The following CRYL1 variants were observed in gnomAD, a reference collection of about 807,000 sequenced individuals.
CRYL1 encodes crystallin lambda 1.
CRYL1 carries 29 observed loss-of-function variants against 36.6 expected under a neutral mutation model. The observed-to-expected ratio is 0.79, with a 90% CI of 0.59 to 1.08. The LOEUF (loss-of-function observed/expected upper bound fraction) is 1.08, where lower values mean the gene tolerates loss of function less well. Ranked by LOEUF, CRYL1 falls within the 50% of genes least tolerant of loss-of-function variation. The pLI is 0.00. For missense variants in CRYL1, 411 were observed against 407.9 expected (o/e 1.01, Z -0.06); for synonymous variants, 152 against 151.5 (o/e 1.00, Z -0.02).
intron 3 of CRYL1, among the ~76,000 whole-genome samples, chr13:20,451,259 AGCAATT>A (rs1360294707): frequency 2.6e-5 from 4 of 152,118 alleles, no homozygotes; most frequent in African/African-American, 9.6e-5. Context: ...AGTCCTCAAA[AGCAATT>A]GCAACAGAAA....
intron 2 of CRYL1, among the ~76,000 whole-genome samples, chr13:20,504,039 C>A (rs2033749958): frequency 6.6e-6 from 1 of 152,118 alleles, no homozygotes; most frequent in African/African-American, 2.4e-5. Flanking sequence ...TCGAAGCGTA[C>A]AGGCCCCTAA....
At chr13:20,406,835 C>T (rs1023402232) in intron 6 of CRYL1, among the ~76,000 whole-genome samples, 7 of 151,652 alleles carry the variant, frequency 4.6e-5, no homozygotes, top group Non-Finnish European at 8.8e-5. Context: ...GGCAGGCAGG[C>T]GCCCTCACGA....
chr13:20,417,865 G>A (rs556959736), intron 5 of CRYL1, among the ~76,000 whole-genome samples: 4 of 152,300 alleles, frequency 2.6e-5, no homozygotes, highest in Non-Finnish European at 5.9e-5. Context: ...ATGTTAAGTC[G>A]AATGAAAGGT....
At chr13:20,443,063 A>C (rs959581219) in intron 3 of CRYL1, among the ~76,000 whole-genome samples, 2 of 152,210 alleles carry the variant, frequency 1.3e-5, no homozygotes, top group African/African-American at 4.8e-5. Context: ...ACATGATGCT[A>C]TTCCAGGCAT....
In CRYL1 at chr13:20,435,541, G is replaced by A. The variant is rs2032190937; in HGVS notation, c.439-3245C>T. ...AGGTCAATCTTGTCAATAAGGTCGG[G>A]TGCCCCTTGAATTTACCACAGTAGA... On this transcript the variant is annotated intron_variant, in intron 4 of 7. Transcript: ENST00000298248. This position sits in a 1 kb window ranked among gnomAD's most constrained non-coding sequence, Gnocchi z 4.0. Among the ~76,000 whole-genome samples, 1 of 152,218 alleles carries A rather than the reference G, an allele frequency of 6.6e-6. No homozygotes were observed. The highest frequency in any genetic ancestry group is 2.4e-5 in the African/African-American group (1 of 41,460).
Position 20,439,607 on chromosome 13 carries a change from T to C in CRYL1, c.424A>G (p.Ile142Val). 2 of 1,606,458 alleles carry C rather than the reference T, an allele frequency of 1.2e-6. No homozygotes were observed. Among genetic ancestry groups the C allele is most frequent in the Non-Finnish European group, 1.7e-6 (2 of 1,177,194 alleles). The stretch of plus-strand genomic sequence containing the variant: ...AAAATACTCACAGGATGAGCCACGA[T>C]GCATTGCTTCACATGGACCAAGCCA... Reference protein sequence around the residue: ...FAGLVHVKQCIVAHPVNPPYY... With the variant: ...FAGLVHVKQCVVAHPVNPPYY... The change falls in exon 4 of 8, where the codon ATC (isoleucine) becomes GTC (valine). Residue 142 changes from isoleucine (I) to valine (V), a missense_variant. By Grantham distance (29) the Ile-to-Val change is conservative. Coordinates refer to ENST00000298248, the MANE Select transcript of CRYL1 (RefSeq NM_015974.3).
chr13:20,512,344 A>T (rs1295054799), intron 2 of CRYL1, 99 bp downstream of exon 2: 1 of 829,254 alleles, frequency 1.2e-6, no homozygotes, highest in African/African-American at 1.7e-5. Context: ...CGAAAATGTG[A>T]CATCACAGAT....
In CRYL1 at chr13:20,413,589, A is replaced by G. The variant is rs9509206; in HGVS notation, c.634-202T>C. On this transcript the variant is annotated intron_variant, in intron 5 of 7. Coordinates refer to ENST00000298248, the MANE Select transcript of CRYL1 (RefSeq NM_015974.3). ...TTTTTAGATTTTGGAATATTAGCAT[A>G]TGCATAATGAGATATTTTGGGGATG... Among the ~76,000 whole-genome samples, 113,305 of 152,160 alleles carry G rather than the reference A, an allele frequency of 0.74. 42,398 individuals are homozygous for G. Among genetic ancestry groups the G allele is most frequent in the Admixed American group, 0.83 (12,645 of 15,290 alleles).
intron 6 of CRYL1, among the ~76,000 whole-genome samples, chr13:20,411,429 C>T (rs369804103): frequency 1.3e-5 from 2 of 152,210 alleles, no homozygotes; most frequent in East Asian, 1.9e-4. Flanking sequence ...AAGCTGTTCT[C>T]AGTTCTGTCC....
intron 4 of CRYL1, among the ~76,000 whole-genome samples, chr13:20,434,937 C>T: frequency 6.6e-6 from 1 of 152,100 alleles, no homozygotes; most frequent in East Asian, 1.9e-4. Context: ...GCACTCCCTT[C>T]ATGGGACTCC....
chr13:20,432,332 A>G, intron 4 of CRYL1, 36 bp from the exon 5 acceptor site: 1 of 1,551,808 alleles, frequency 6.4e-7, no homozygotes, highest in Non-Finnish European at 8.8e-7. Context: ...AGTCAAGGAG[A>G]TGATCCTGGG....
intron 3 of CRYL1, among the ~76,000 whole-genome samples, chr13:20,464,341 C>T (rs1361660707): frequency 6.6e-6 from 1 of 152,094 alleles, no homozygotes; most frequent in Non-Finnish European, 1.5e-5. Flanking sequence ...TTGCAGTGAG[C>T]CGAGATTGTG....
At chr13:20,432,066 G>A (rs778858040) in intron 5 of CRYL1, 36 bp downstream of exon 5, 3 of 1,613,908 alleles carry the variant, frequency 1.9e-6, no homozygotes, top group Admixed American at 3.3e-5. Flanking sequence ...GAGGGAGAAA[G>A]GAAGGGAGGG....
chr13:20,522,076 G>A (rs2034106785), intron 1 of CRYL1, among the ~76,000 whole-genome samples: 2 of 152,188 alleles, frequency 1.3e-5, no homozygotes, highest in African/African-American at 2.4e-5. Flanking sequence ...CAGGCCAGGT[G>A]TAGTGGCTCA....
intron 1 of CRYL1, among the ~76,000 whole-genome samples, chr13:20,522,128 T>C (rs1225524915): frequency 6.6e-6 from 1 of 152,200 alleles, no homozygotes; most frequent in Admixed American, 6.5e-5. Context: ...GGTGGGCGGA[T>C]CAGTTGAGGC....
chr13:20,492,022 G>A (rs2033523549), intron 2 of CRYL1, among the ~76,000 whole-genome samples: 1 of 152,102 alleles, frequency 6.6e-6, no homozygotes, highest in African/African-American at 2.4e-5. Flanking sequence ...ATAACAAAAA[G>A]GGTCATGAGA....
chr13:20,495,635 T>A (rs2033591933), intron 2 of CRYL1, among the ~76,000 whole-genome samples: 1 of 152,216 alleles, frequency 6.6e-6, no homozygotes, highest in Admixed American at 6.5e-5. Context: ...ACCCCACTGC[T>A]GTGCATATAT....
At chr13:20,512,909 A>T (rs115983468) in intron 1 of CRYL1, among the ~76,000 whole-genome samples, 3,007 of 152,268 alleles carry the variant, frequency 0.02, 98 homozygotes, top group African/African-American at 0.068. Flanking sequence ...GTTCACAACA[A>T]TGTGTTGTAT....
intron 1 of CRYL1, among the ~76,000 whole-genome samples, chr13:20,521,587 C>T (rs1262029112): frequency 6.6e-6 from 1 of 152,118 alleles, no homozygotes; most frequent in Non-Finnish European, 1.5e-5. Flanking sequence ...AGAGGTAATT[C>T]AATGCCCTTC....
Sources: allele counts gnomAD v4.1 joint callset (sites outside exome capture counted in the v4.1 genomes callset), GRCh38; gene constraint gnomAD v4.1.1; non-coding constraint Gnocchi (gnomAD v3.1); transcripts MANE v1.5; gene names NCBI Gene and HGNC (gene_info 2026-07-23, HGNC 2026-07-21).